Variants in LIMK1 observed in about 807,000 individuals in gnomAD.
LIMK1 encodes LIM motif-containing protein kinase.
LIMK1 carries 21 observed loss-of-function variants against 77.6 expected under a neutral mutation model. The observed-to-expected ratio is 0.27, with a 90% CI of 0.19 to 0.39. LIMK1 has a LOEUF of 0.39. LIMK1 is among the 10% of genes least tolerant of loss of function. The pLI is 1.00. For missense variants in LIMK1, 696 were observed against 901.6 expected (o/e 0.77, Z 2.92); for synonymous variants, 358 against 370.0 (o/e 0.97, Z 0.37).
chr7:74,120,580 C>T lies in LIMK1; in HGVS notation c.1568-3C>T, dbSNP rs1554700367. The T allele has an allele frequency of 3.1e-6, 5 of 1,614,208 alleles. No individual in the cohort carries two copies. The Admixed American group carries it at 6.7e-5, about 22-fold the overall frequency. ...TCTGCTGACAGTCGGTCTCTTTATC[C>T]AGGCCGCAGCTATGATGAGAAGGTG... On this transcript the variant is annotated splice_region_variant and splice_polypyrimidine_tract_variant and intron_variant, in intron 13 of 15. Coordinates refer to ENST00000336180, the MANE Select transcript of LIMK1 (RefSeq NM_002314.4).
chr7:74,085,658 G>T (rs1161560135), intron 1 of LIMK1, 90 bp from the exon 2 acceptor site: 3 of 953,234 alleles, frequency 3.1e-6, no homozygotes, highest in Non-Finnish European at 4.9e-6. Flanking sequence ...TGGTGCAGGT[G>T]TAGGTATATG....
At chr7:74,108,783 G>C in intron 9 of LIMK1, 122 bp from the exon 10 acceptor site, 1 of 1,458,484 alleles carries the variant, frequency 6.9e-7, no homozygotes, top group Non-Finnish European at 9.1e-7. Context: ...GGAGAGGGGA[G>C]CTGGGGGTTC....
chr7:74,093,092 C>G, intron 2 of LIMK1: 1 of 1,401,540 alleles, frequency 7.1e-7, no homozygotes, highest in Non-Finnish European at 9.3e-7. Context: ...TCCCCTGGCA[C>G]CCACGCGGCT....
chr7:74,110,498 A>G (rs1430093231), intron 10 of LIMK1: 1 of 152,060 alleles, frequency 6.6e-6, no homozygotes, highest in Non-Finnish European at 1.5e-5. Flanking sequence ...GTAGGTTCTA[A>G]TTTTTTAAAA....
At chr7:74,097,337 C>T (rs1554695845) in intron 4 of LIMK1, 148 bp downstream of exon 4, 9 of 529,230 alleles carry the variant, frequency 1.7e-5, no homozygotes, top group Admixed American at 7.3e-5. Flanking sequence ...TTTCCCATCC[C>T]GGCATGGAAA....
intron 12 of LIMK1, among the ~76,000 whole-genome samples, chr7:74,114,482 T>A (rs1799767150): frequency 6.6e-6 from 1 of 150,564 alleles, no homozygotes; most frequent in South Asian, 2.1e-4. Flanking sequence ...GCCTGGGAAG[T>A]TGAGGCTGCA....
chr7:74,120,682 C>G, intron 14 of LIMK1, 44 bp downstream of exon 14: 1 of 1,601,924 alleles, frequency 6.2e-7, no homozygotes, highest in South Asian at 1.1e-5. Context: ...GCCTGGGCTC[C>G]TCCCCACTCA....
At chr7:74,105,843 G>A (rs879952640) in intron 5 of LIMK1, 32 bp from the exon 6 acceptor site, 2 of 1,527,504 alleles carry the variant, frequency 1.3e-6, no homozygotes, top group African/African-American at 2.7e-5. Context: ...AGGGACAGGT[G>A]GGCACTGGCC....
intron 11 of LIMK1, 106 bp downstream of exon 11, chr7:74,111,813 T>C: frequency 7.0e-7 from 1 of 1,433,964 alleles, no homozygotes; most frequent in Non-Finnish European, 9.8e-7. Flanking sequence ...GATGGGAGAG[T>C]GGGAAGAATC....
rs782711239 is a variant in LIMK1, at chr7:74,097,061, C to G, written c.292-19C>G. The G allele has an allele frequency of 1.9e-6, 3 of 1,587,376 alleles. No individual in the cohort carries two copies. Among genetic ancestry groups the G allele is most frequent in the African/African-American group, 1.3e-5 (1 of 74,588 alleles). ...TGGGTCTGCTGAGCTGGGCTGTTCC[C>G]TCCTCACCCCCGCACCAGGTGGCTG... is the stretch of plus-strand genomic sequence containing the variant. On this transcript the variant is annotated intron_variant, in intron 3 of 15. Coordinates refer to ENST00000336180, the MANE Select transcript of LIMK1 (RefSeq NM_002314.4).
intron 7 of LIMK1, 57 bp from the exon 8 acceptor site, chr7:74,106,953 C>T: frequency 1.4e-6 from 2 of 1,462,548 alleles, no homozygotes; most frequent in Non-Finnish European, 9.2e-7. Flanking sequence ...AGGGGCAGGG[C>T]CTTGGCCGGG....
At chr7:74,115,600 A>G in intron 12 of LIMK1, 2 of 561,198 alleles carry the variant, frequency 3.6e-6, no homozygotes, top group South Asian at 4.4e-5. Flanking sequence ...CCACACTGCT[A>G]TCTTCAGGTG....
At chr7:74,095,684 G>A (rs998399805) in intron 2 of LIMK1, among the ~76,000 whole-genome samples, 5 of 152,146 alleles carry the variant, frequency 3.3e-5, no homozygotes, top group African/African-American at 1.2e-4. Flanking sequence ...GAGATTACAG[G>A]CATGAGCCAC....
intron 4 of LIMK1, 101 bp from the exon 5 acceptor site, chr7:74,098,930 AG>A (rs1554696069): frequency 2.4e-6 from 2 of 823,118 alleles, no homozygotes; most frequent in East Asian, 2.5e-5. Flanking sequence ...AAAAAAAAAA[AG>A]GAAGGGATTG....
At chr7:74,119,041 G>A (rs1026128866) in intron 13 of LIMK1, among the ~76,000 whole-genome samples, 13 of 149,912 alleles carry the variant, frequency 8.7e-5, no homozygotes, top group East Asian at 2.0e-4. Flanking sequence ...GACTACAGGC[G>A]CCCGCCACCA....
chr7:74,111,051 C>T (rs1431064922), intron 10 of LIMK1: 1 of 152,664 alleles, frequency 6.6e-6, no homozygotes, highest in African/African-American at 2.4e-5. Context: ...GCCTGGCCAA[C>T]ATGGTGAAAC....
chr7:74,122,512 G>C lies in LIMK1; in HGVS notation c.*1211G>C, dbSNP rs531812129. 3 of 152,238 alleles carry C rather than the reference G, an allele frequency of 2.0e-5. No individual in the cohort carries two copies. Among genetic ancestry groups the C allele is most frequent in the African/African-American group, 7.3e-5 (3 of 41,378 alleles). The allele number at this position is 152,238 out of a possible 1,614,324, so 9.4% of individuals were successfully genotyped here. A position where few individuals can be genotyped will look rare whatever the true frequency, so the allele number is the denominator to read the frequency against. On this transcript the variant is annotated 3_prime_UTR_variant, in exon 16 of 16. Transcript: ENST00000336180. ...GACGCAGAACAATAAAATAAATTCCGTACTCCCCACCCAGGTCCTGCGTGG... is the reference window on the plus strand; with the variant it reads ...GACGCAGAACAATAAAATAAATTCCCTACTCCCCACCCAGGTCCTGCGTGG...
intron 5 of LIMK1, among the ~76,000 whole-genome samples, chr7:74,102,484 C>CTTTTTTT (rs71094754): frequency 0.12 from 6,688 of 53,840 alleles, 1,924 homozygotes; most frequent in Middle Eastern, 0.28. Context: ...AGGACCTTCT[C>CTTTTTTT]TTTTTTTTTT....
chr7:74,084,790 G>T (rs1385894486), intron 1 of LIMK1, among the ~76,000 whole-genome samples: 22 of 152,276 alleles, frequency 1.4e-4, no homozygotes, highest in African/African-American at 5.3e-4. Context: ...GACAGGGTCT[G>T]GGGGCCCCTC....
Sources: allele counts gnomAD v4.1 joint callset (sites outside exome capture counted in the v4.1 genomes callset), GRCh38; gene constraint gnomAD v4.1.1; transcripts MANE v1.5; gene names NCBI Gene and HGNC (gene_info 2026-07-23, HGNC 2026-07-21).